DENND2C: variants seen among roughly 807,000 people sequenced by gnomAD.
DENND2C encodes the protein DENN domain-containing protein 2C.
DENND2C carries 72 observed loss-of-function variants against 112.4 expected under a neutral mutation model. That is an observed-to-expected ratio of 0.64 (90% CI 0.53 to 0.78). DENND2C has a LOEUF of 0.78. Among genes scored for constraint, DENND2C ranks in the 30% least tolerant of loss-of-function variants. DENND2C has a pLI of 0.00. For synonymous variants in DENND2C, 329 were observed against 381.6 expected (o/e 0.86, Z 1.61); for missense variants, 992 against 1,113.8 (o/e 0.89, Z 1.56).
chr1:114,646,884 G>A (rs374146523), intron 2 of DENND2C, among the ~76,000 whole-genome samples: 6 of 152,144 alleles, frequency 3.9e-5, no homozygotes, highest in South Asian at 2.1e-4. Context: ...TTTAGGGCAG[G>A]CACGGTAGCT....
At chr1:114,599,562 A>T in intron 15 of DENND2C, 111 bp from the exon 16 acceptor site, 3 of 833,604 alleles carry the variant, frequency 3.6e-6, no homozygotes, top group Non-Finnish European at 3.3e-6. Flanking sequence ...TCATAGATTA[A>T]AAACTATGCA....
Position 114,670,003 on chromosome 1 carries a change from T to C in DENND2C, c.-594A>G, listed in dbSNP as rs1203015176. On this transcript the variant is annotated 5_prime_UTR_variant, in exon 1 of 21. Coordinates refer to ENST00000393274, the MANE Select transcript of DENND2C (RefSeq NM_001256404.2). ...CTTACCTGTCTGTACCTCAACGTTG[T>C]CTCCTGTGGCCAAGCTAGTCTCCCG... 7 of 152,428 alleles carry C rather than the reference T, an allele frequency of 4.6e-5. No individual in the cohort carries two copies. Among genetic ancestry groups the C allele is most frequent in the Non-Finnish European group, 7.3e-5 (5 of 68,278 alleles). The allele number at this position is 152,428 out of a possible 1,614,324, so 9.4% of individuals were successfully genotyped here.
chr1:114,642,718 A>C (rs1223683087), intron 3 of DENND2C, among the ~76,000 whole-genome samples: 1 of 152,204 alleles, frequency 6.6e-6, no homozygotes, highest in Admixed American at 6.5e-5. Flanking sequence ...TAACAAATAC[A>C]TGTCTTAGCA....
At position 114,599,286 on chromosome 1, in the gene DENND2C, T is replaced by G; in HGVS notation, c.2271A>C (p.Leu757=). The change falls in exon 16 of 21, where the codon CTA becomes CTC. Residue 757 remains leucine, a synonymous_variant. Coordinates refer to ENST00000393274, the MANE Select transcript of DENND2C (RefSeq NM_001256404.2). ...TCTTCTATCTCACCTCTTCAATGGGTAGGTCCTGGAGCTGTGGTAAGGAGC... is the reference window on the plus strand; with the variant it reads ...TCTTCTATCTCACCTCTTCAATGGGGAGGTCCTGGAGCTGTGGTAAGGAGC... The part of the protein sequence containing the change: ...LSCSLPQLQD[L]PIEEVLIVDL... 1 of 1,608,374 alleles carries G rather than the reference T, an allele frequency of 6.2e-7. No homozygotes were observed. Among genetic ancestry groups the G allele is most frequent in the Non-Finnish European group, 8.5e-7 (1 of 1,176,422 alleles).
At chr1:114,592,885 C>T (rs1299391663) in intron 18 of DENND2C, among the ~76,000 whole-genome samples, 3 of 152,162 alleles carry the variant, frequency 2.0e-5, no homozygotes, top group African/African-American at 4.8e-5. Flanking sequence ...AAATCTTAAT[C>T]GTCGCCATAC....
intron 13 of DENND2C, 109 bp downstream of exon 13, chr1:114,601,398 CT>C: frequency 2.8e-6 from 3 of 1,053,660 alleles, no homozygotes; most frequent in Non-Finnish European, 4.2e-6. Context: ...CACGTGGTTC[CT>C]AGTTTACTAA....
rs181690688 is a variant in DENND2C at position 114,635,834 on chromosome 1, G to A, written c.-205+9614C>T. Among the ~76,000 whole-genome samples, 587 of 151,598 alleles carry A rather than the reference G, an allele frequency of 3.9e-3. 6 individuals carry two copies. Among genetic ancestry groups the A allele is most frequent in the African/African-American group, 0.013 (557 of 41,366 alleles). The stretch of plus-strand genomic sequence containing the variant: ...CCAGCCTAGGGAACATGGTGAAACC[G>A]GTCTCTACTAAAAATATAAAAAGTA... On this transcript the variant is annotated intron_variant, in intron 3 of 20. Coordinates refer to ENST00000393274, the MANE Select transcript of DENND2C (RefSeq NM_001256404.2).
intron 17 of DENND2C, chr1:114,595,523 G>C (rs1655320625): frequency 4.4e-6 from 1 of 225,616 alleles, no homozygotes; most frequent in Non-Finnish European, 8.7e-6. Context: ...CTTAATAAAT[G>C]CTTTTAAAAT....
Position 114,625,387 on chromosome 1 carries a change from C to T in DENND2C, c.598G>A (p.Gly200Arg). 1 of 1,614,082 alleles carries T rather than the reference C, an allele frequency of 6.2e-7. No individual in the cohort carries two copies. Among genetic ancestry groups the T allele is most frequent in the Non-Finnish European group, 8.5e-7 (1 of 1,179,996 alleles). The stretch of plus-strand genomic sequence containing the variant: ...TTTATGGAAGGTCCACATTCTTGCC[C>T]CTCAGGTTCAGAGTAAATATTTTCT... ...SLENIYSEPE[G>R]QECGPSINPL... Residue 200 changes from glycine (G) to arginine (R), a missense_variant, in exon 4 of 21, where the codon GGG becomes AGG. Gly to Arg is a moderately radical substitution (Grantham distance 125). Around this residue, in one of 3 missense-constraint regions of DENND2C, gnomAD observed 470 missense variants for 472.7 expected, o/e 0.99. Coordinates refer to ENST00000393274, the MANE Select transcript of DENND2C (RefSeq NM_001256404.2).
intron 3 of DENND2C, among the ~76,000 whole-genome samples, chr1:114,644,528 AT>A (rs776981415): frequency 2.0e-5 from 3 of 152,172 alleles, no homozygotes; most frequent in Admixed American, 6.5e-5. Flanking sequence ...AAGCTGCCCC[AT>A]TTGTAGAATG....
intron 1 of DENND2C, among the ~76,000 whole-genome samples, chr1:114,656,475 T>C (rs996392487): frequency 6.6e-6 from 1 of 151,220 alleles, no homozygotes; most frequent in Admixed American, 6.6e-5. Context: ...CGGCTCACTG[T>C]AACCTCTGCC....
At chr1:114,649,530 C>T (rs145104133) in intron 2 of DENND2C, among the ~76,000 whole-genome samples, 62 of 152,222 alleles carry the variant, frequency 4.1e-4, no homozygotes, top group African/African-American at 1.5e-3. Context: ...CATCCCACCA[C>T]ATCTGGCTAA....
chr1:114,628,515 G>A (rs1253271807), intron 3 of DENND2C, among the ~76,000 whole-genome samples: 3 of 151,958 alleles, frequency 2.0e-5, no homozygotes, highest in African/African-American at 7.3e-5. Flanking sequence ...GATAGCTTTC[G>A]AAAAATGAAC....
At position 114,625,644 on chromosome 1, in the gene DENND2C, G is replaced by C. The variant is rs769883526; in HGVS notation, c.341C>G (p.Ser114Cys). Residue 114 changes from serine (S) to cysteine (C), a missense_variant, in exon 4 of 21, where the codon TCC becomes TGC. Physicochemically the swap from Ser to Cys is moderately radical, Grantham distance 112 (BLOSUM62 -1). Coordinates refer to ENST00000393274, the MANE Select transcript of DENND2C (RefSeq NM_001256404.2). ...TTTGACCCGAGAACATACCCAGTTG[G>C]ATTCTGATTCATTTTTAAAGAAGTG... Reference protein sequence around the residue: ...DTHFFKNESESNWVCSRVKEI... With the variant: ...DTHFFKNESECNWVCSRVKEI... 19 of 1,613,870 alleles carry C rather than the reference G, an allele frequency of 1.2e-5. No individual in the cohort carries two copies. Among genetic ancestry groups the C allele is most frequent in the Non-Finnish European group, 1.5e-5 (18 of 1,180,000 alleles).
intron 8 of DENND2C, among the ~76,000 whole-genome samples, chr1:114,611,564 G>A (rs1233048538): frequency 6.6e-6 from 1 of 152,192 alleles, no homozygotes; most frequent in Admixed American, 6.5e-5. Flanking sequence ...AACTAGGAGA[G>A]AGATATTACC....
chr1:114,591,594 T>C (rs909664324), intron 18 of DENND2C, among the ~76,000 whole-genome samples: 15 of 152,152 alleles, frequency 9.9e-5, no homozygotes, highest in Non-Finnish European at 7.4e-5. Context: ...ATGGTGTCCC[T>C]TGACGAAAAG....
At position 114,620,793 on chromosome 1, in the gene DENND2C, T is replaced by C. The variant is rs185286107; in HGVS notation, c.1227+1102A>G. On this transcript the variant is annotated intron_variant, in intron 7 of 20. Transcript: ENST00000393274. Reference sequence around the variant, plus strand: ...ACCTCTATGTCTTTAACTTTTCACATAGTAAAGAGGAAGGGGCAGAAAACT... The same window carrying C: ...ACCTCTATGTCTTTAACTTTTCACACAGTAAAGAGGAAGGGGCAGAAAACT... Among the ~76,000 whole-genome samples the C allele has an allele frequency of 3.3e-3, 499 of 152,196 alleles. 3 individuals carry two copies. The highest frequency in any genetic ancestry group is 0.011 in the African/African-American group (473 of 41,518).
At chr1:114,590,006 A>AT (rs1047599161) in intron 18 of DENND2C, among the ~76,000 whole-genome samples, 1 of 152,182 alleles carries the variant, frequency 6.6e-6, no homozygotes, top group Non-Finnish European at 1.5e-5. Context: ...CCCCAATAGC[A>AT]TATTAGTAGG....
intron 1 of DENND2C, among the ~76,000 whole-genome samples, chr1:114,655,883 A>ATATATATATATAT (rs1557960847): frequency 0.031 from 3,929 of 125,588 alleles, 140 homozygotes; most frequent in South Asian, 0.1. Flanking sequence ...TATATGTATA[A>ATATATATATATAT]ATATATATAT....
Sources: allele counts gnomAD v4.1 joint callset (sites outside exome capture counted in the v4.1 genomes callset), GRCh38; gene constraint gnomAD v4.1.1; regional missense constraint gnomAD v4.1.1; transcripts MANE v1.5; gene names NCBI Gene and HGNC (gene_info 2026-07-23, HGNC 2026-07-21).